Variants in EIPR1 observed in about 807,000 individuals in gnomAD.
EIPR1 encodes EARP and GARP complex-interacting protein 1.
In EIPR1, 25 loss-of-function variants were observed where a neutral mutation model predicts 48.1. The ratio of observed to expected loss-of-function variants is 0.52; its 90% confidence interval spans 0.38 to 0.73. The LOEUF (loss-of-function observed/expected upper bound fraction) is 0.73. Ranked by LOEUF, EIPR1 falls within the 30% of genes least tolerant of loss-of-function variation. EIPR1 has a pLI of 0.00. For missense variants in EIPR1, 415 were observed against 506.2 expected (o/e 0.82, Z 1.73); for synonymous variants, 204 against 201.9 (o/e 1.01, Z -0.09).
intron 1 of EIPR1, among the ~76,000 whole-genome samples, chr2:3,365,427 G>A (rs965550311): frequency 5.3e-5 from 8 of 152,012 alleles, no homozygotes; most frequent in South Asian, 2.1e-4. Flanking sequence ...AGCCACGATC[G>A]CACTACTGCA....
At chr2:3,353,308 C>G (rs765727986) in intron 2 of EIPR1, 1 of 471,076 alleles carries the variant, frequency 2.1e-6, no homozygotes, top group Admixed American at 2.3e-5. Context: ...TGGCCTATTT[C>G]CTTCCAGTCT....
At chr2:3,271,113 T>C (rs963801940) in intron 3 of EIPR1, among the ~76,000 whole-genome samples, 2 of 152,244 alleles carry the variant, frequency 1.3e-5, no homozygotes, top group East Asian at 1.9e-4. Context: ...CCATTCGAGA[T>C]TGATCATGAG....
chr2:3,287,843 C>CCATGCTCCAGTCATTCAG (rs1668249620), intron 3 of EIPR1, among the ~76,000 whole-genome samples: 1 of 71,460 alleles, frequency 1.4e-5, no homozygotes, highest in Non-Finnish European at 3.3e-5. Flanking sequence ...AGCTCATTCA[C>CCATGCTCCAGTCATTCAG]CATGCTCCAG....
chr2:3,289,839 T>C (rs771538244), intron 3 of EIPR1, among the ~76,000 whole-genome samples: 1 of 152,216 alleles, frequency 6.6e-6, no homozygotes, highest in Non-Finnish European at 1.5e-5. Flanking sequence ...GCATCAGTGC[T>C]ACATGCTTGC....
intron 2 of EIPR1, among the ~76,000 whole-genome samples, chr2:3,350,985 C>T (rs1331301877): frequency 7.0e-6 from 1 of 143,248 alleles, no homozygotes; most frequent in Non-Finnish European, 1.5e-5. Flanking sequence ...GATTAAAACA[C>T]TTTCTGTCAT....
At chr2:3,285,591 G>A (rs1478476545) in intron 3 of EIPR1, among the ~76,000 whole-genome samples, 1 of 152,254 alleles carries the variant, frequency 6.6e-6, no homozygotes, top group East Asian at 1.9e-4. Context: ...AAGCTCAGGA[G>A]GCACTGGTGG....
In EIPR1 at chr2:3,263,689, C is replaced by T. The variant is rs191787731; in HGVS notation, c.260-6234G>A. 9.2e-5 allele frequency among the ~76,000 whole-genome samples: 14 copies of T among 151,664 alleles called. No individual in the cohort carries two copies. The East Asian group carries it at 2.1e-3, about 23-fold the overall frequency. On this transcript the variant is annotated intron_variant, in intron 3 of 8. Transcript: ENST00000382125. ...TGCGGCCAGCGCCCTCCCCAGGACG[C>T]GGCACGGTGCGGCCAGCGCCTTCCC...
chr2:3,324,586 G>C (rs945467897), intron 3 of EIPR1, among the ~76,000 whole-genome samples: 32 of 152,380 alleles, frequency 2.1e-4, no homozygotes, highest in African/African-American at 7.5e-4. Context: ...ACCCGCTCAA[G>C]GCGGCACCTT....
intron 2 of EIPR1, among the ~76,000 whole-genome samples, chr2:3,348,599 A>G (rs1670474090): frequency 6.6e-6 from 1 of 152,260 alleles, no homozygotes. Flanking sequence ...GTCCTGTCCC[A>G]CAGGAGGAAA....
At chr2:3,199,509 C>T (rs1558217224) in intron 5 of EIPR1, among the ~76,000 whole-genome samples, 1 of 152,208 alleles carries the variant, frequency 6.6e-6, no homozygotes, top group East Asian at 1.9e-4. Flanking sequence ...GTTCGCAGTC[C>T]CTGACTTCCT....
intron 3 of EIPR1, among the ~76,000 whole-genome samples, chr2:3,268,591 T>G (rs529276354): frequency 1.3e-5 from 2 of 152,328 alleles, no homozygotes; most frequent in East Asian, 3.9e-4. Flanking sequence ...CTGTTTAACC[T>G]GCTCTGTTTC....
chr2:3,220,113 C>T (rs973461622), intron 4 of EIPR1, among the ~76,000 whole-genome samples: 1 of 152,198 alleles, frequency 6.6e-6, no homozygotes, highest in African/African-American at 2.4e-5. Flanking sequence ...GAAGTTTCAT[C>T]GCAAAACTAG....
chr2:3,295,103 A>T (rs908431208), intron 3 of EIPR1, among the ~76,000 whole-genome samples: 1 of 118,992 alleles, frequency 8.4e-6, no homozygotes, highest in Non-Finnish European at 1.7e-5. Flanking sequence ...CCACACATAC[A>T]CCCTCCATCC....
chr2:3,377,027 T>A (rs912819795), intron 1 of EIPR1, among the ~76,000 whole-genome samples: 1 of 152,222 alleles, frequency 6.6e-6, no homozygotes, highest in Non-Finnish European at 1.5e-5. Flanking sequence ...CGGTTCATAG[T>A]CATTTGTTGA....
At chr2:3,331,258 CAT>C (rs1225015865) in intron 3 of EIPR1, among the ~76,000 whole-genome samples, 1 of 97,092 alleles carries the variant, frequency 1.0e-5, no homozygotes, top group African/African-American at 5.0e-5. Context: ...TGTACACACT[CAT>C]GAGATGGTGT....
rs545807957 is a variant in EIPR1, at chr2:3,231,979, T to A, written c.417-17731A>T. On this transcript the variant is annotated intron_variant, in intron 4 of 8. Transcript: ENST00000382125. ...CATCAGGTCCTGGGCTTTTCTTTGT[T>A]GGGAGATTTTTGATTACTGATTTAA... Among the ~76,000 whole-genome samples the A allele has an allele frequency of 2.0e-5, 3 of 152,346 alleles. No individual in the cohort carries two copies. In the South Asian group the frequency reaches 6.2e-4, roughly 32 times the overall value.
intron 3 of EIPR1, among the ~76,000 whole-genome samples, chr2:3,324,619 G>C (rs1484614765): frequency 6.6e-6 from 1 of 152,258 alleles, no homozygotes; most frequent in Non-Finnish European, 1.5e-5. Flanking sequence ...CCTGCCCAGG[G>C]CACCACTTGT....
At chr2:3,239,841 G>T (rs987615006) in intron 4 of EIPR1, among the ~76,000 whole-genome samples, 2 of 152,200 alleles carry the variant, frequency 1.3e-5, no homozygotes, top group Non-Finnish European at 2.9e-5. Context: ...TTACATATAT[G>T]GGTCTCTGGT....
At chr2:3,273,703 C>T (rs908950677) in intron 3 of EIPR1, among the ~76,000 whole-genome samples, 2 of 152,086 alleles carry the variant, frequency 1.3e-5, no homozygotes, top group African/African-American at 4.8e-5. Flanking sequence ...GGTTTTGGGC[C>T]GCCCTGGACA....
Sources: allele counts gnomAD v4.1 joint callset (sites outside exome capture counted in the v4.1 genomes callset), GRCh38; gene constraint gnomAD v4.1.1; transcripts MANE v1.5; gene names NCBI Gene and HGNC (gene_info 2026-07-23, HGNC 2026-07-21).